CA5A: variants seen among roughly 807,000 people sequenced by gnomAD.
CA5A encodes carbonic anhydrase 5A, mitochondrial.
A neutral mutation model predicts 37.1 loss-of-function variants in CA5A; 28 were observed. That is an observed-to-expected ratio of 0.75 (90% CI 0.56 to 1.03). The LOEUF is 1.03. Ranked by LOEUF, CA5A falls within the 50% of genes least tolerant of loss-of-function variation. The pLI is 0.00. For synonymous variants in CA5A, 171 were observed against 158.4 expected (o/e 1.08, Z -0.60); for missense variants, 444 against 399.9 (o/e 1.11, Z -0.94).
chr16:87,931,950 C>T (rs1166050008), intron 1 of CA5A, among the ~76,000 whole-genome samples: 2 of 137,080 alleles, frequency 1.5e-5, no homozygotes, highest in Admixed American at 1.4e-4. Context: ...CTCCAAAGAG[C>T]CTCTCTGAGG....
At chr16:87,916,095 G>C (rs539578461) in intron 2 of CA5A, among the ~76,000 whole-genome samples, 1 of 151,318 alleles carries the variant, frequency 6.6e-6, no homozygotes, top group African/African-American at 2.4e-5. Context: ...GTGAACCCGG[G>C]AGGTGGAGCT....
intron 2 of CA5A, among the ~76,000 whole-genome samples, chr16:87,909,436 C>T (rs572914603): frequency 2.0e-5 from 3 of 152,228 alleles, no homozygotes; most frequent in Non-Finnish European, 4.4e-5. Flanking sequence ...GCGAAACGTT[C>T]GTTCTTCTAA....
rs544420292 is a variant in CA5A at position 87,911,258 on chromosome 16, C to T, written c.341-6354G>A. 9.2e-5 allele frequency among the ~76,000 whole-genome samples: 14 copies of T among 152,244 alleles called. No individual in the cohort carries two copies. The South Asian group carries it at 2.5e-3, about 27-fold the overall frequency. On this transcript the variant is annotated intron_variant, in intron 2 of 6. Transcript: ENST00000649794. The surrounding 1 kb of genome is among the most constrained non-coding windows in gnomAD (Gnocchi z 4.6). ...TCTGTGTAAGCAGGTGCGTCAGAACCGGCTCATGGAGATATAATTGAACGA... is the reference window on the plus strand; with the variant it reads ...TCTGTGTAAGCAGGTGCGTCAGAACTGGCTCATGGAGATATAATTGAACGA...
chr16:87,888,541 G>A (rs1256701332), intron 6 of CA5A, among the ~76,000 whole-genome samples: 3 of 152,164 alleles, frequency 2.0e-5, no homozygotes, highest in African/African-American at 7.2e-5. Flanking sequence ...GAGGCCCATA[G>A]GGAGAGGAAC....
intron 1 of CA5A, among the ~76,000 whole-genome samples, chr16:87,933,231 C>G (rs1366234487): frequency 2.0e-5 from 3 of 152,260 alleles, no homozygotes; most frequent in African/African-American, 7.2e-5. Flanking sequence ...TCTTTGATTT[C>G]TAGGGTTTGC....
chr16:87,891,723 G>T, intron 6 of CA5A, 76 bp downstream of exon 6: 2 of 1,254,412 alleles, frequency 1.6e-6, no homozygotes, highest in Non-Finnish European at 2.1e-6. Context: ...CTCTCATGCA[G>T]CATCTTAGTG....
chr16:87,895,506 T>C (rs756593622), intron 5 of CA5A, among the ~76,000 whole-genome samples: 1 of 152,052 alleles, frequency 6.6e-6, no homozygotes, highest in Non-Finnish European at 1.5e-5. Context: ...GCTCATGCCA[T>C]TGCACTCCAG....
chr16:87,906,231 C>CCTCGTGTCACCCGCCTTG (rs60280559), intron 2 of CA5A, among the ~76,000 whole-genome samples: 46,941 of 145,348 alleles, frequency 0.32, 8,687 homozygotes, highest in African/African-American at 0.49. Flanking sequence ...TGTGGAGGAG[C>CCTCGTGTCACCCGCCTTG]CTCATGTCAC....
At chr16:87,900,597 C>A (rs1420672349) in intron 5 of CA5A, among the ~76,000 whole-genome samples, 1 of 152,246 alleles carries the variant, frequency 6.6e-6, no homozygotes, top group Non-Finnish European at 1.5e-5. Context: ...TTTGGAATTT[C>A]TCCTTCTCCC....
At chr16:87,904,930 T>C in intron 2 of CA5A, 26 bp from the exon 3 acceptor site, 1 of 1,437,606 alleles carries the variant, frequency 7.0e-7, no homozygotes, top group South Asian at 1.1e-5. Context: ...GTGAGACGTG[T>C]GTGTCATTTT....
chr16:87,889,963 G>C (rs1278492044), intron 6 of CA5A, among the ~76,000 whole-genome samples: 1 of 152,164 alleles, frequency 6.6e-6, no homozygotes, highest in African/African-American at 2.4e-5. Context: ...CCCTAGAGTT[G>C]CGCGCATGGT....
At chr16:87,899,208 G>A (rs1240644442) in intron 5 of CA5A, among the ~76,000 whole-genome samples, 1 of 151,946 alleles carries the variant, frequency 6.6e-6, no homozygotes, top group Non-Finnish European at 1.5e-5. Flanking sequence ...GCCTCTAGGC[G>A]AGAGAGTTGT....
At chr16:87,931,614 C>A (rs1312721382) in intron 1 of CA5A, among the ~76,000 whole-genome samples, 2 of 152,210 alleles carry the variant, frequency 1.3e-5, no homozygotes, top group Non-Finnish European at 2.9e-5. Context: ...GATAAGCTCG[C>A]TGGCGCTGGG....
intron 2 of CA5A, among the ~76,000 whole-genome samples, chr16:87,921,993 G>T (rs910189323): frequency 6.6e-6 from 1 of 151,974 alleles, no homozygotes; most frequent in South Asian, 2.1e-4. Context: ...TCAGCCTCCC[G>T]AGTAGCTGGG....
chr16:87,901,931 A>G lies in CA5A; in HGVS notation c.599T>C (p.Leu200Ser). The change falls in exon 5 of 7, where the codon TTG becomes TCG. Residue 200 changes from leucine to serine, a missense_variant. Physicochemically the swap from Leu to Ser is moderately radical, Grantham distance 145. Transcript: ENST00000649794. Reference sequence around the variant, plus strand: ...GCTTACCTTATGTTTTATTTCCGGCAAGATGTCCACCAGCCTCTGCAGCGT... The same window carrying G: ...GCTTACCTTATGTTTTATTTCCGGCGAGATGTCCACCAGCCTCTGCAGCGT... ...HQTLQRLVDI[L>S]PEIKHKDARA... The G allele has an allele frequency of 6.2e-7, 1 of 1,613,488 alleles. No individual in the cohort carries two copies. The highest frequency in any genetic ancestry group is 8.5e-7 in the Non-Finnish European group (1 of 1,179,674).
At chr16:87,933,034 G>C (rs1375193395) in intron 1 of CA5A, among the ~76,000 whole-genome samples, 1 of 152,228 alleles carries the variant, frequency 6.6e-6, no homozygotes, top group Non-Finnish European at 1.5e-5. Context: ...GGGAGGATGA[G>C]AGATGCAGTG....
chr16:87,926,252 G>A (rs565993835), intron 2 of CA5A, among the ~76,000 whole-genome samples: 13 of 128,546 alleles, frequency 1.0e-4, no homozygotes, highest in Admixed American at 4.8e-4. Context: ...ATAAAATGTC[G>A]GCCAGGTCAC....
In CA5A at chr16:87,924,162, G is replaced by T. The variant is rs1052476035; in HGVS notation, c.340+2586C>A. ...TGTCCCACTTTCCCTCTTCTTCTCC[G>T]AGCTGGTCTTGTCCTTCCAAGAAGT... On this transcript the variant is annotated intron_variant, in intron 2 of 6. Coordinates refer to ENST00000649794, the MANE Select transcript of CA5A (RefSeq NM_001739.2). 8.1e-6 allele frequency: 8 copies of T among 985,286 alleles called. No individual in the cohort carries two copies. The African/African-American group carries it at 1.4e-4, about 17-fold the overall frequency. 61.0% of individuals were successfully genotyped at this position (985,286 alleles called of 1,614,324 possible). A position where few individuals can be genotyped will look rare whatever the true frequency, so the allele number is the denominator to read the frequency against.
exon 5 of CA5A, chr16:87,881,694 C>T (rs554902505): frequency 1.6e-4 from 25 of 152,006 alleles, no homozygotes; most frequent in African/African-American, 5.3e-4. Context: ...CCCGCAGAGC[C>T]GCAGACACCG....
Sources: gnomAD v4.1 joint callset for allele counts (sites outside exome capture counted in the v4.1 genomes callset) on GRCh38, gnomAD v4.1.1 for gene constraint, Gnocchi (gnomAD v3.1) non-coding constraint, MANE v1.5 for transcripts, NCBI Gene and HGNC (gene_info 2026-07-23, HGNC 2026-07-21) for gene names.